LETM1: variants seen among roughly 807,000 people sequenced by gnomAD.
LETM1 encodes leucine zipper and EF-hand containing transmembrane protein 1, also known as mitochondrial proton/calcium exchanger protein.
A neutral mutation model predicts 74.5 loss-of-function variants in LETM1; 50 were observed. The observed-to-expected ratio is 0.67, with a 90% CI of 0.53 to 0.85. LETM1 has a LOEUF of 0.85. Among genes scored for constraint, LETM1 ranks in the 40% least tolerant of loss-of-function variants. LETM1 has a pLI of 0.00. For missense variants in LETM1, 824 were observed against 967.8 expected (o/e 0.85, Z 1.97); for synonymous variants, 446 against 407.1 (o/e 1.10, Z -1.15).
chr4:1,840,992 T>G (rs1395465608), intron 3 of LETM1, among the ~76,000 whole-genome samples: 1 of 152,220 alleles, frequency 6.6e-6, no homozygotes, highest in African/African-American at 2.4e-5. Context: ...TTACCGATTT[T>G]TATTCTCTAC....
chr4:1,832,987 C>T (rs769077865), intron 5 of LETM1, 40 bp from the exon 6 acceptor site: 62 of 1,595,320 alleles, frequency 3.9e-5, no homozygotes, highest in Admixed American at 8.3e-5. Context: ...GGGACACGCG[C>T]CCACCCGGCT....
At chr4:1,822,698 C>G in intron 9 of LETM1, 1 of 361,616 alleles carries the variant, frequency 2.8e-6, no homozygotes, top group Non-Finnish European at 4.9e-6. Context: ...CCCCTCACAG[C>G]AAGTCCCTGA....
Position 1,834,637 on chromosome 4 carries a change from G to A in LETM1, c.876+208C>T, listed in dbSNP as rs372741825. 2 of 1,398,712 alleles carry A rather than the reference G, an allele frequency of 1.4e-6. No homozygotes were observed. The highest frequency in any genetic ancestry group is 1.5e-5 in the African/African-American group (1 of 68,934). 86.6% of individuals were successfully genotyped at this position (1,398,712 alleles called of 1,614,324 possible). A position where few individuals can be genotyped will look rare whatever the true frequency, so the allele number is the denominator to read the frequency against. ...CGCCCATAATTCTGAAGGCTGACGAGGCGCAGCCACCACAGCTTAACTCAC... is the reference window on the plus strand; with the variant it reads ...CGCCCATAATTCTGAAGGCTGACGAAGCGCAGCCACCACAGCTTAACTCAC... On this transcript the variant is annotated intron_variant, in intron 5 of 13. Coordinates refer to ENST00000302787, the MANE Select transcript of LETM1 (RefSeq NM_012318.3). This position sits in a 1 kb window ranked among gnomAD's most constrained non-coding sequence, Gnocchi z 5.0.
At chr4:1,824,826 C>A (rs1440939655) in intron 7 of LETM1, among the ~76,000 whole-genome samples, 1 of 152,260 alleles carries the variant, frequency 6.6e-6, no homozygotes, top group East Asian at 1.9e-4. Flanking sequence ...ACAGAGAAGG[C>A]TCTGCTGGGG....
chr4:1,819,161 C>T (rs376980655), intron 11 of LETM1, among the ~76,000 whole-genome samples, 177 bp downstream of exon 11: 2 of 151,934 alleles, frequency 1.3e-5, no homozygotes, highest in Admixed American at 1.3e-4. Flanking sequence ...TTGGTCCAGC[C>T]GGAATGGCTG....
intron 2 of LETM1, chr4:1,842,908 G>A (rs1447918366): frequency 8.1e-6 from 2 of 245,562 alleles, no homozygotes; most frequent in Non-Finnish European, 1.7e-5. Flanking sequence ...ACCTGCGCGA[G>A]GCCCATTCAG....
chr4:1,842,713 G>T (rs942563036), intron 2 of LETM1, among the ~76,000 whole-genome samples: 1 of 152,220 alleles, frequency 6.6e-6, no homozygotes, highest in Non-Finnish European at 1.5e-5. Context: ...CGCTGCATCG[G>T]CCCCAGTTGC....
rs866086722 is a variant in LETM1 at position 1,836,027 on chromosome 4, A to G, written c.738+402T>C. On this transcript the variant is annotated intron_variant, in intron 4 of 13. Coordinates refer to ENST00000302787, the MANE Select transcript of LETM1 (RefSeq NM_012318.3). This position sits in a 1 kb window ranked among gnomAD's most constrained non-coding sequence, Gnocchi z 5.8. ...GAACTTGAGGCTGCAGTGAGCCGTGATCGCACCACTGCACTCCAGCCTGGG... is the reference window on the plus strand; with the variant it reads ...GAACTTGAGGCTGCAGTGAGCCGTGGTCGCACCACTGCACTCCAGCCTGGG... 1.1e-4 allele frequency among the ~76,000 whole-genome samples: 17 copies of G among 152,214 alleles called. No homozygotes were observed. Among genetic ancestry groups the G allele is most frequent in the South Asian group, 2.1e-4 (1 of 4,824 alleles).
chr4:1,831,601 G>A (rs539310586), intron 6 of LETM1, among the ~76,000 whole-genome samples: 1 of 152,252 alleles, frequency 6.6e-6, no homozygotes, highest in Non-Finnish European at 1.5e-5. Flanking sequence ...GGTCTCCACT[G>A]ACACCACAGG....
At chr4:1,829,875 C>T (rs996753920) in intron 6 of LETM1, among the ~76,000 whole-genome samples, 1 of 152,190 alleles carries the variant, frequency 6.6e-6, no homozygotes, top group African/African-American at 2.4e-5. Flanking sequence ...CAACGACACA[C>T]ACACACACAC....
chr4:1,844,636 C>T (rs926064090), intron 2 of LETM1, among the ~76,000 whole-genome samples: 25 of 151,998 alleles, frequency 1.6e-4, no homozygotes, highest in African/African-American at 5.5e-4. Flanking sequence ...AGGGCTGAGG[C>T]GTGAGAACTG....
chr4:1,820,230 C>T (rs1293169625), intron 10 of LETM1, among the ~76,000 whole-genome samples: 5 of 152,214 alleles, frequency 3.3e-5, no homozygotes, highest in Non-Finnish European at 7.3e-5. Flanking sequence ...GCCCCGCGCC[C>T]AGCCTCTCTG....
At chr4:1,850,778 C>T (rs1468813220) in intron 1 of LETM1, among the ~76,000 whole-genome samples, 1 of 151,454 alleles carries the variant, frequency 6.6e-6, no homozygotes, top group African/African-American at 2.4e-5. Flanking sequence ...CAGCCTGGCC[C>T]ACATGGTGAA....
Position 1,834,305 on chromosome 4 carries a change from G to T in LETM1, c.876+540C>A. On this transcript the variant is annotated intron_variant, in intron 5 of 13. Transcript: ENST00000302787. The surrounding 1 kb of genome is among the most constrained non-coding windows in gnomAD (Gnocchi z 5.0). ...CTCAAGCCAACAACACCGGCCTCGT[G>T]AACCCCATCTAGTCCTCAGGGATCT... The T allele has an allele frequency of 1.2e-6, 1 of 817,080 alleles. No homozygotes were observed. The highest frequency in any genetic ancestry group is 1.5e-6 in the Non-Finnish European group (1 of 675,710). The allele number at this position is 817,080 out of a possible 1,614,324, so 50.6% of individuals were successfully genotyped here. A position where few individuals can be genotyped will look rare whatever the true frequency, so the allele number is the denominator to read the frequency against.
intron 11 of LETM1, among the ~76,000 whole-genome samples, chr4:1,818,856 T>C (rs906446228): frequency 1.3e-5 from 2 of 151,620 alleles, no homozygotes; most frequent in African/African-American, 4.8e-5. Context: ...GCGAGGCAGG[T>C]CGGTCACCTG....
Position 1,815,783 on chromosome 4 carries a change from C to G in LETM1, c.1951G>C (p.Ala651Pro), listed in dbSNP as rs760388860. The stretch of plus-strand genomic sequence containing the variant: ...TGCTTCATGGCGTTGATGAGCTCAG[C>G]GACACTGATGACGTTCTCCCTGTGG... ...MPTGENVISV[A>P]ELINAMKQVK... The change falls in exon 13 of 14, where the codon GCT (alanine) becomes CCT (proline). Residue 651 changes from alanine to proline, a missense_variant. Physicochemically the swap from Ala to Pro is conservative, Grantham distance 27. Transcript: ENST00000302787. 2.3e-5 allele frequency: 37 copies of G among 1,614,004 alleles called. No individual in the cohort carries two copies. Among genetic ancestry groups the G allele is most frequent in the Non-Finnish European group, 3.0e-5 (35 of 1,180,014 alleles).
chr4:1,847,152 T>C (rs1170488086), intron 2 of LETM1, among the ~76,000 whole-genome samples: 1 of 151,718 alleles, frequency 6.6e-6, no homozygotes. Flanking sequence ...GACAACATAG[T>C]GAGAACCTGT....
chr4:1,837,640 T>G (rs1172617405), intron 3 of LETM1, among the ~76,000 whole-genome samples: 1 of 152,138 alleles, frequency 6.6e-6, no homozygotes, highest in African/African-American at 2.4e-5. Flanking sequence ...TTAAATAAAT[T>G]TGATGATTTT....
chr4:1,834,581 C>T lies in LETM1; in HGVS notation c.876+264G>A, dbSNP rs200835262. 1.4e-4 allele frequency: 182 copies of T among 1,280,900 alleles called. No individual in the cohort carries two copies. The East Asian group carries it at 6.7e-3, about 47-fold the overall frequency. 79.3% of individuals were successfully genotyped at this position (1,280,900 alleles called of 1,614,324 possible). A position where few individuals can be genotyped will look rare whatever the true frequency, so the allele number is the denominator to read the frequency against. ...TCCTCATGGGTCAGATTCTACTGCT[C>T]CTGGACAGCTGCAGGGTGATGAGAC... On this transcript the variant is annotated intron_variant, in intron 5 of 13. Coordinates refer to ENST00000302787, the MANE Select transcript of LETM1 (RefSeq NM_012318.3). This position sits in a 1 kb window ranked among gnomAD's most constrained non-coding sequence, Gnocchi z 5.0.
Sources: gnomAD v4.1 joint callset for allele counts (sites outside exome capture counted in the v4.1 genomes callset) on GRCh38, gnomAD v4.1.1 for gene constraint, Gnocchi (gnomAD v3.1) non-coding constraint, MANE v1.5 for transcripts, NCBI Gene and HGNC (gene_info 2026-07-23, HGNC 2026-07-21) for gene names.